ABTB3: variants seen among roughly 807,000 people sequenced by gnomAD.
ABTB3 encodes ankyrin repeat and BTB domain containing 3.
At chr12:107,427,556 C>A in the ABTB3 span, among the ~76,000 whole-genome samples, 11 of 152,150 alleles carry the variant, frequency 7.2e-5, no homozygotes, top group Non-Finnish European at 7.3e-5. Context: ...CTGTGTCCCT[C>A]TTATAAGCAC....
chr12:107,393,532 A>G, the ABTB3 span, among the ~76,000 whole-genome samples: 1 of 152,156 alleles, frequency 6.6e-6, no homozygotes, highest in Non-Finnish European at 1.5e-5. Flanking sequence ...GATGGCCTCC[A>G]TGGGGGTGAT....
chr12:107,508,738 G>A, the ABTB3 span, among the ~76,000 whole-genome samples: 6 of 151,986 alleles, frequency 3.9e-5, no homozygotes, highest in East Asian at 1.9e-4. Context: ...GTGAGCCACC[G>A]TGCCCAGCCA....
chr12:107,628,099 G>A, the ABTB3 span, among the ~76,000 whole-genome samples: 10 of 152,110 alleles, frequency 6.6e-5, no homozygotes, highest in South Asian at 2.1e-4. Flanking sequence ...ACGCAGCCTA[G>A]CCTGCTCCAC....
chr12:107,402,953 T>C, the ABTB3 span, among the ~76,000 whole-genome samples: 1 of 152,136 alleles, frequency 6.6e-6, no homozygotes, highest in Non-Finnish European at 1.5e-5. Context: ...GGCTGTGCTA[T>C]TGGGAGGTGG....
the ABTB3 span, among the ~76,000 whole-genome samples, chr12:107,613,155 G>A: frequency 2.6e-5 from 4 of 152,140 alleles, no homozygotes; most frequent in Non-Finnish European, 5.9e-5. Flanking sequence ...TCCTTGGCTC[G>A]GCAGTCCTGA....
At chr12:107,657,476 A>T in the ABTB3 span, 1 of 1,589,958 alleles carries the variant, frequency 6.3e-7, no homozygotes, top group South Asian at 1.1e-5. Context: ...TCGGAAGCGT[A>T]ACCATCTCCC....
the ABTB3 span, among the ~76,000 whole-genome samples, chr12:107,489,877 T>C: frequency 4.6e-5 from 7 of 151,808 alleles, no homozygotes; most frequent in Admixed American, 4.6e-4. Context: ...ACCCTCAGCC[T>C]CCCAAAGTGG....
the ABTB3 span, among the ~76,000 whole-genome samples, chr12:107,494,733 C>A: frequency 6.6e-6 from 1 of 152,182 alleles, no homozygotes; most frequent in South Asian, 2.1e-4. Flanking sequence ...CCCTCGCCAC[C>A]TCCCTTGGGC....
the ABTB3 span, among the ~76,000 whole-genome samples, chr12:107,454,282 C>G: frequency 2.0e-5 from 3 of 152,248 alleles, no homozygotes; most frequent in East Asian, 5.8e-4. Context: ...GGGCCCAGTG[C>G]GAAATGAGAA....
the ABTB3 span, among the ~76,000 whole-genome samples, chr12:107,593,853 G>A: frequency 6.6e-6 from 1 of 152,156 alleles, no homozygotes; most frequent in Non-Finnish European, 1.5e-5. Context: ...AGTGGGAAGA[G>A]AGAAAATAGA....
the ABTB3 span, among the ~76,000 whole-genome samples, chr12:107,497,065 A>C: frequency 3.3e-5 from 5 of 152,310 alleles, no homozygotes; most frequent in African/African-American, 1.2e-4. Context: ...TTGTGTGAGT[A>C]TATGGCAAGT....
chr12:107,520,444 C>A, the ABTB3 span: 1 of 1,595,472 alleles, frequency 6.3e-7, no homozygotes, highest in East Asian at 2.2e-5. Flanking sequence ...TGAAAAATAA[C>A]AATCTGTTTT....
At chr12:107,335,072 G>C in the ABTB3 span, among the ~76,000 whole-genome samples, 1 of 151,904 alleles carries the variant, frequency 6.6e-6, no homozygotes, top group East Asian at 1.9e-4. Context: ...GATTGCTTGA[G>C]GCCAGGAGTT....
At chr12:107,376,420 T>C in the ABTB3 span, among the ~76,000 whole-genome samples, 1 of 151,990 alleles carries the variant, frequency 6.6e-6, no homozygotes, top group Non-Finnish European at 1.5e-5. Context: ...GCTCCATGTC[T>C]CTGGATCAGG....
chr12:107,530,266 C>T, the ABTB3 span, among the ~76,000 whole-genome samples: 3 of 152,204 alleles, frequency 2.0e-5, no homozygotes, highest in South Asian at 2.1e-4. Context: ...AAATGATTCT[C>T]TTCTCTTCTC....
At chr12:107,423,949 G>C in the ABTB3 span, among the ~76,000 whole-genome samples, 667 of 152,262 alleles carry the variant, frequency 4.4e-3, 3 homozygotes, top group African/African-American at 0.015. Context: ...GTTTGCCTCT[G>C]GGGCTGATTT....
the ABTB3 span, among the ~76,000 whole-genome samples, chr12:107,582,274 A>G: frequency 3.9e-5 from 6 of 152,202 alleles, no homozygotes; most frequent in African/African-American, 1.4e-4. Flanking sequence ...AGTGCTTTAC[A>G]CAGATGAATA....
chr12:107,525,343 A>AAAAAAAAAAG, the ABTB3 span, among the ~76,000 whole-genome samples: 1 of 150,724 alleles, frequency 6.6e-6, no homozygotes. Context: ...AAAAAAAAAA[A>AAAAAAAAAAG]AAAAAAAGAA....
chr12:107,426,338 G>C, the ABTB3 span, among the ~76,000 whole-genome samples: 5 of 152,188 alleles, frequency 3.3e-5, no homozygotes, highest in Non-Finnish European at 7.3e-5. Flanking sequence ...CCTGCTGTGA[G>C]TCAGTGCAGA....
Sources: gnomAD v4.1 joint callset for allele counts (sites outside exome capture counted in the v4.1 genomes callset) on GRCh38, gnomAD v4.1.1 for gene constraint, MANE v1.5 for transcripts, NCBI Gene and HGNC (gene_info 2026-07-23, HGNC 2026-07-21) for gene names.